Variants in RNGTT observed in about 807,000 individuals in gnomAD.
RNGTT encodes mRNA-capping enzyme.
In RNGTT, 33 loss-of-function variants were observed where a neutral mutation model predicts 79.3. The ratio of observed to expected loss-of-function variants is 0.42; its 90% CI spans 0.32 to 0.56. The LOEUF (loss-of-function observed/expected upper bound fraction) is 0.56. RNGTT is among the 20% of genes least tolerant of loss of function. RNGTT has a pLI of 0.17. For synonymous variants in RNGTT, 222 were observed against 235.9 expected (o/e 0.94, Z 0.54); for missense variants, 497 against 739.1 (o/e 0.67, Z 3.80).
chr6:88,874,232 T>C (rs62428982), intron 8 of RNGTT, among the ~76,000 whole-genome samples: 1,975 of 152,284 alleles, frequency 0.013, 18 homozygotes, highest in Non-Finnish European at 0.019. Context: ...AGCATTCTTT[T>C]AAGTGATCTT....
At chr6:88,617,805 C>T (rs1007310867) in intron 14 of RNGTT, among the ~76,000 whole-genome samples, 15 of 151,782 alleles carry the variant, frequency 9.9e-5, no homozygotes, top group African/African-American at 3.6e-4. Context: ...TCCACAAGCA[C>T]CAATGTCTTT....
In RNGTT at chr6:88,803,860, A is replaced by C. The variant is rs76334872; in HGVS notation, c.1270-2228T>G. Among the ~76,000 whole-genome samples, 677 of 152,204 alleles carry C rather than the reference A, an allele frequency of 4.4e-3. 2 individuals are homozygous for C. Among genetic ancestry groups the C allele is most frequent in the African/African-American group, 0.015 (640 of 41,538 alleles). ...TAGCCAGTTAGCAAGACTCTACATA[A>C]CATGATTCTACCTGCTGCAGAAATG... is the stretch of plus-strand genomic sequence containing the variant. On this transcript the variant is annotated intron_variant, in intron 11 of 15. Coordinates refer to ENST00000369485, the MANE Select transcript of RNGTT (RefSeq NM_003800.5).
intron 6 of RNGTT, among the ~76,000 whole-genome samples, chr6:88,898,918 TAAGTA>T (rs937767338): frequency 5.3e-5 from 8 of 150,428 alleles, no homozygotes; most frequent in East Asian, 1.9e-4. Context: ...GCTAAATAAA[TAAGTA>T]AATAGGGAAA....
At chr6:88,884,180 G>A (rs941698355) in intron 8 of RNGTT, among the ~76,000 whole-genome samples, 1 of 152,170 alleles carries the variant, frequency 6.6e-6, no homozygotes, top group African/African-American at 2.4e-5. Context: ...CAACAATATG[G>A]AGGGAAAGTC....
intron 13 of RNGTT, among the ~76,000 whole-genome samples, chr6:88,740,732 AG>A (rs1198700811): frequency 6.6e-6 from 1 of 152,038 alleles, no homozygotes; most frequent in African/African-American, 2.4e-5. Flanking sequence ...GGACACAAGG[AG>A]GGGAACAACA....
At chr6:88,707,424 A>AGT (rs934772536) in intron 13 of RNGTT, among the ~76,000 whole-genome samples, 2 of 151,908 alleles carry the variant, frequency 1.3e-5, no homozygotes, top group African/African-American at 4.8e-5. Context: ...CGGGGGAGGG[A>AGT]GTATACAGGT....
At chr6:88,831,713 C>T (rs1780873185) in intron 11 of RNGTT, among the ~76,000 whole-genome samples, 2 of 152,206 alleles carry the variant, frequency 1.3e-5, no homozygotes, top group African/African-American at 4.8e-5. Flanking sequence ...CCCAAATCAA[C>T]TTAAGCTGAT....
intron 14 of RNGTT, among the ~76,000 whole-genome samples, chr6:88,623,301 A>C (rs1182354389): frequency 6.6e-6 from 1 of 152,062 alleles, no homozygotes; most frequent in African/African-American, 2.4e-5. Flanking sequence ...CATAGATCTA[A>C]CTCATTTCCA....
intron 8 of RNGTT, among the ~76,000 whole-genome samples, chr6:88,881,837 A>G (rs1055146323): frequency 6.6e-6 from 1 of 152,198 alleles, no homozygotes; most frequent in Non-Finnish European, 1.5e-5. Flanking sequence ...GCCCTACTCT[A>G]TACTATACAA....
At chr6:88,791,074 G>A (rs776226323) in intron 12 of RNGTT, among the ~76,000 whole-genome samples, 3 of 151,330 alleles carry the variant, frequency 2.0e-5, no homozygotes, top group Non-Finnish European at 4.4e-5. Context: ...TTAAATTAAG[G>A]CCATTCAAGG....
chr6:88,679,024 C>A (rs947077300), intron 13 of RNGTT, among the ~76,000 whole-genome samples: 3 of 152,034 alleles, frequency 2.0e-5, no homozygotes, highest in African/African-American at 7.2e-5. Context: ...ACGGAGACAG[C>A]AAGACTAACC....
chr6:88,797,331 C>T (rs1161028073), intron 12 of RNGTT, among the ~76,000 whole-genome samples: 1 of 152,102 alleles, frequency 6.6e-6, no homozygotes, highest in Non-Finnish European at 1.5e-5. Flanking sequence ...ACAAAAGCTC[C>T]ATAAGTATAA....
intron 11 of RNGTT, among the ~76,000 whole-genome samples, chr6:88,832,170 T>C (rs1424668412): frequency 6.6e-6 from 1 of 152,106 alleles, no homozygotes; most frequent in Non-Finnish European, 1.5e-5. Context: ...GGAGGCATCA[T>C]GCTACCTGAC....
At chr6:88,727,623 T>C (rs937566694) in intron 13 of RNGTT, among the ~76,000 whole-genome samples, 1 of 152,164 alleles carries the variant, frequency 6.6e-6, no homozygotes, top group Non-Finnish European at 1.5e-5. Flanking sequence ...CACACTAATA[T>C]AAAGGTGAAA....
intron 8 of RNGTT, among the ~76,000 whole-genome samples, chr6:88,883,571 T>C (rs1321517927): frequency 2.0e-5 from 3 of 152,162 alleles, no homozygotes; most frequent in Admixed American, 6.5e-5. Flanking sequence ...GCATTAATTC[T>C]TCACAGCAAA....
rs67058652 is a variant in RNGTT, at chr6:88,696,601, T to TACACACACACACAC, written c.1440-18196_1440-18183dup. On this transcript the variant is annotated intron_variant, in intron 13 of 15. Transcript: ENST00000369485. ...TGCAGGATGAACAGAAATCCTGAAG[T>TACACACACACACAC]ACACACACACACACACACACACACA... 5.2e-3 allele frequency among the ~76,000 whole-genome samples: 766 copies of TACACACACACACAC among 147,594 alleles called. 2 individuals are homozygous for TACACACACACACAC. Among genetic ancestry groups the TACACACACACACAC allele is most frequent in the South Asian group, 0.012 (54 of 4,614 alleles).
At chr6:88,878,786 C>A (rs1298585560) in intron 8 of RNGTT, among the ~76,000 whole-genome samples, 1 of 152,122 alleles carries the variant, frequency 6.6e-6, no homozygotes, top group Non-Finnish European at 1.5e-5. Context: ...GCTAAGTGAA[C>A]AAATCTAAAT....
At chr6:88,644,981 T>C (rs372002968) in intron 14 of RNGTT, among the ~76,000 whole-genome samples, 2 of 152,202 alleles carry the variant, frequency 1.3e-5, no homozygotes, top group African/African-American at 4.8e-5. Context: ...CTATTCAACA[T>C]AGTGTTGGAA....
intron 8 of RNGTT, among the ~76,000 whole-genome samples, chr6:88,885,560 A>G (rs1457614477): frequency 6.6e-6 from 1 of 152,238 alleles, no homozygotes; most frequent in Non-Finnish European, 1.5e-5. Flanking sequence ...CACTTAGCAA[A>G]CATAACAGTG....
Sources: gnomAD v4.1 joint callset for allele counts (sites outside exome capture counted in the v4.1 genomes callset) on GRCh38, gnomAD v4.1.1 for gene constraint, MANE v1.5 for transcripts, NCBI Gene and HGNC (gene_info 2026-07-23, HGNC 2026-07-21) for gene names.